Variants in GFRAL observed in about 807,000 individuals in gnomAD.
The protein encoded by GFRAL is GDNF family receptor alpha like, also known as GDNF family receptor alpha-like.
GFRAL carries 36 observed loss-of-function variants against 45.4 expected under a neutral mutation model. The observed-to-expected ratio is 0.79, with a 90% CI of 0.61 to 1.05. The LOEUF is 1.05. GFRAL is among the 50% of genes least tolerant of loss of function. The pLI is 0.00. For missense variants in GFRAL, 507 were observed against 467.5 expected (o/e 1.08, Z -0.78); for synonymous variants, 166 against 154.1 (o/e 1.08, Z -0.57).
intron 4 of GFRAL, among the ~76,000 whole-genome samples, chr6:55,350,815 A>G (rs115876830): frequency 0.013 from 2,022 of 152,298 alleles, 25 homozygotes; most frequent in Non-Finnish European, 0.022. Flanking sequence ...AAACATTTAT[A>G]TATGCTAGAA....
rs763645721 is a variant in GFRAL, at chr6:55,351,213, T to C, written c.371-40T>C. The stretch of plus-strand genomic sequence containing the variant: ...TATAGTTTCTGTATGTACAGCTTTG[T>C]GTTTACTTTTCCACGACCTGGGCAT... On this transcript the variant is annotated intron_variant, in intron 4 of 8. Coordinates refer to ENST00000340465, the MANE Select transcript of GFRAL (RefSeq NM_207410.2). 16 of 1,368,308 alleles carry C rather than the reference T, an allele frequency of 1.2e-5. No homozygotes were observed. The Middle Eastern group carries it at 7.4e-4, about 64-fold the overall frequency. 84.8% of individuals were successfully genotyped at this position (1,368,308 alleles called of 1,614,324 possible).
intron 6 of GFRAL, among the ~76,000 whole-genome samples, chr6:55,380,585 C>T (rs1768595370): frequency 6.6e-6 from 1 of 151,878 alleles, no homozygotes; most frequent in South Asian, 2.1e-4. Context: ...TTTGGGAAAA[C>T]CCAGTCACCA....
At chr6:55,327,760 T>C (rs1297747242) in intron 1 of GFRAL, among the ~76,000 whole-genome samples, 184 bp downstream of exon 1, 1 of 152,082 alleles carries the variant, frequency 6.6e-6, no homozygotes, top group African/African-American at 2.4e-5. Context: ...ACTCACTTAT[T>C]TCTAACTCTA....
At chr6:55,391,220 T>C (rs905235358) in intron 6 of GFRAL, among the ~76,000 whole-genome samples, 2 of 152,132 alleles carry the variant, frequency 1.3e-5, no homozygotes, top group African/African-American at 4.8e-5. Flanking sequence ...CTATTATTTT[T>C]TAATCTTTCA....
At chr6:55,395,175 A>ATATATATATATATATATATATATATAT (rs1554136792) in intron 6 of GFRAL, among the ~76,000 whole-genome samples, 26 of 123,468 alleles carry the variant, frequency 2.1e-4, no homozygotes, top group African/African-American at 9.0e-4. Flanking sequence ...AAAAAAAAAA[A>ATATATATATATATATATATATATATAT]ATATATATAT....
rs969985852 is a variant in GFRAL at position 55,361,297 on chromosome 6, G to A, written c.952+2159G>A. Among the ~76,000 whole-genome samples, 14 of 151,872 alleles carry A rather than the reference G, an allele frequency of 9.2e-5. No individual in the cohort carries two copies. The East Asian group carries it at 2.7e-3, about 29-fold the overall frequency. ...TGTCCCTTGGTATCCATGGGGAATT[G>A]GTTCCAGGACTCAAATGGACACCAA... On this transcript the variant is annotated intron_variant, in intron 6 of 8. Transcript: ENST00000340465.
intron 6 of GFRAL, among the ~76,000 whole-genome samples, chr6:55,373,725 A>C (rs1367558193): frequency 6.6e-6 from 1 of 150,912 alleles, no homozygotes; most frequent in African/African-American, 2.5e-5. Flanking sequence ...ATGACTGGAG[A>C]TATTTTCCTT....
Position 55,401,813 on chromosome 6 carries a change from C to T in GFRAL, c.1145C>T (p.Ala382Val), listed in dbSNP as rs778227559. Residue 382 changes from alanine (A) to valine (V), a missense_variant, in exon 9 of 9, where the codon GCA (alanine) becomes GTA (valine). Physicochemically the swap from Ala to Val is moderately conservative, Grantham distance 64. Transcript: ENST00000340465. ...AGAACTTCCAGAATATCAAGTAAAG[C>T]AAGAGATCCTTCATCGATCCAAATA... ...KLRTSRISSK[A>V]RDPSSIQIPG... 1 of 1,544,670 alleles carries T rather than the reference C, an allele frequency of 6.5e-7. No homozygotes were observed. The highest frequency in any genetic ancestry group is 9.0e-7 in the Non-Finnish European group (1 of 1,116,440).
chr6:55,361,170 T>C (rs1768270683), intron 6 of GFRAL, among the ~76,000 whole-genome samples: 1 of 151,932 alleles, frequency 6.6e-6, no homozygotes, highest in African/African-American at 2.4e-5. Context: ...GAAGAGGAAG[T>C]TTTTGCTCCA....
At chr6:55,373,984 G>C (rs1581754006) in intron 6 of GFRAL, among the ~76,000 whole-genome samples, 1 of 152,154 alleles carries the variant, frequency 6.6e-6, no homozygotes, top group Non-Finnish European at 1.5e-5. Context: ...CCACTTATAA[G>C]TGAGCACATG....
At chr6:55,327,714 G>T in intron 1 of GFRAL, 138 bp downstream of exon 1, 11 of 741,534 alleles carry the variant, frequency 1.5e-5, no homozygotes, top group South Asian at 3.9e-5. Flanking sequence ...GCTTTAACAT[G>T]GTTTATTCTT....
chr6:55,398,592 A>C (rs370124862), intron 6 of GFRAL, among the ~76,000 whole-genome samples: 2 of 152,154 alleles, frequency 1.3e-5, no homozygotes, highest in Non-Finnish European at 2.9e-5. Flanking sequence ...TGAACTGGTC[A>C]CTCTAAAGCA....
rs1470720723 is a variant in GFRAL at position 55,368,270 on chromosome 6, C to G, written c.952+9132C>G. Among the ~76,000 whole-genome samples the G allele has an allele frequency of 5.4e-3, 817 of 150,482 alleles. 8 individuals are homozygous for G. The highest frequency in any genetic ancestry group is 0.019 in the African/African-American group (777 of 40,838). Reference sequence around the variant, plus strand: ...GCTTCTGCATTCTTCACGTAGTTCTCGAGCCTTGGTTTTCAGCTCCATCAG... The same window carrying G: ...GCTTCTGCATTCTTCACGTAGTTCTGGAGCCTTGGTTTTCAGCTCCATCAG... On this transcript the variant is annotated intron_variant, in intron 6 of 8. Transcript: ENST00000340465.
chr6:55,368,865 T>G (rs189751305), intron 6 of GFRAL, among the ~76,000 whole-genome samples: 28,669 of 151,860 alleles, frequency 0.19, 3,115 homozygotes, highest in African/African-American at 0.3. Context: ...CAGGGACATT[T>G]AAGTCTGCAG....
intron 3 of GFRAL, among the ~76,000 whole-genome samples, chr6:55,335,003 G>A (rs1267158217): frequency 6.6e-6 from 1 of 152,092 alleles, no homozygotes; most frequent in Non-Finnish European, 1.5e-5. Context: ...TCACATACAA[G>A]ATTCAGACAA....
chr6:55,355,260 A>G (rs890570446), intron 5 of GFRAL, among the ~76,000 whole-genome samples: 3 of 151,860 alleles, frequency 2.0e-5, no homozygotes, highest in Admixed American at 2.0e-4. Flanking sequence ...CTTAGAGGAC[A>G]GGTCAATAGG....
At chr6:55,361,942 A>G (rs535448077) in intron 6 of GFRAL, among the ~76,000 whole-genome samples, 33 of 152,110 alleles carry the variant, frequency 2.2e-4, no homozygotes, top group Admixed American at 4.6e-4. Flanking sequence ...TTGTTTCTCA[A>G]ACTCATTTGA....
At chr6:55,344,560 T>C (rs971369468) in intron 3 of GFRAL, among the ~76,000 whole-genome samples, 10 of 152,158 alleles carry the variant, frequency 6.6e-5, no homozygotes, top group Admixed American at 3.9e-4. Flanking sequence ...AAGAGCTATT[T>C]ATGACAAACC....
intron 6 of GFRAL, 84 bp downstream of exon 6, chr6:55,359,222 A>T: frequency 8.8e-7 from 1 of 1,141,834 alleles, no homozygotes; most frequent in Admixed American, 2.3e-5. Flanking sequence ...TTGCCTATAC[A>T]GTAAAAGAGG....
Sources: gnomAD v4.1 joint callset for allele counts (sites outside exome capture counted in the v4.1 genomes callset) on GRCh38, gnomAD v4.1.1 for gene constraint, MANE v1.5 for transcripts, NCBI Gene and HGNC (gene_info 2026-07-23, HGNC 2026-07-21) for gene names.